The following SSH2 variants were observed in gnomAD, a reference collection of about 807,000 sequenced individuals.
SSH2 encodes protein phosphatase Slingshot homolog 2.
In SSH2, 37 loss-of-function variants were observed where a neutral mutation model predicts 135.2. That is an observed-to-expected ratio of 0.27 (90% confidence interval 0.21 to 0.36). The LOEUF (loss-of-function observed/expected upper bound fraction) is 0.36. SSH2 is among the 10% of genes least tolerant of loss of function. The pLI is 1.00. For synonymous variants in SSH2, 628 were observed against 646.2 expected, an observed-to-expected ratio of 0.97 and a Z score of 0.43; for missense variants, 1,408 against 1,765.3, an observed-to-expected ratio of 0.80 and a Z score of 3.63.
At chr17:29,780,041 A>G (rs1385635384) in intron 3 of SSH2, among the ~76,000 whole-genome samples, 1 of 151,558 alleles carries the variant, frequency 6.6e-6, no homozygotes, top group Non-Finnish European at 1.5e-5. Flanking sequence ...AAGTGGTGAA[A>G]TCTCATCTCT....
At chr17:29,908,519 C>T (rs895045751) in intron 1 of SSH2, among the ~76,000 whole-genome samples, 3 of 151,796 alleles carry the variant, frequency 2.0e-5, no homozygotes, top group African/African-American at 7.3e-5. Flanking sequence ...AATCCCAGAA[C>T]ACTGGGAGGC....
chr17:29,915,243 A>G (rs543542233), intron 1 of SSH2, among the ~76,000 whole-genome samples: 1 of 152,362 alleles, frequency 6.6e-6, no homozygotes, highest in Admixed American at 6.5e-5. Flanking sequence ...ATGTGAGTTC[A>G]TTCACATGTT....
intron 2 of SSH2, among the ~76,000 whole-genome samples, chr17:29,824,370 G>A (rs910286818): frequency 3.3e-5 from 5 of 152,190 alleles, no homozygotes; most frequent in Non-Finnish European, 7.3e-5. Flanking sequence ...GACTGCCACA[G>A]TCAAGGTTCA....
In SSH2 at chr17:29,632,633, C is replaced by A. The variant is rs1300592902; in HGVS notation, c.2561G>T (p.Gly854Val). 7 of 1,614,044 alleles carry A rather than the reference C, an allele frequency of 4.3e-6. No homozygotes were observed. Among genetic ancestry groups the A allele is most frequent in the Non-Finnish European group, 5.1e-6 (6 of 1,180,036 alleles). The change falls in exon 16 of 16, where the codon GGC becomes GTC. Residue 854 changes from glycine to valine, a missense_variant. Physicochemically the swap from Gly to Val is moderately radical, Grantham distance 109. This residue lies in a region of SSH2 where 1,080 missense variants were observed against 1,144.5 expected (regional missense o/e 0.94). Transcript: ENST00000540801. ...TATAGATGAGTGTGTGGTTAGGCAG[C>A]CTTCTGGGTTGCACATCCCTGAGTC... ...AKDSGMCNPE[G>V]CLTTHSSIAD...
intron 3 of SSH2, among the ~76,000 whole-genome samples, chr17:29,778,726 C>T (rs1015296834): frequency 2.0e-5 from 3 of 148,326 alleles, no homozygotes; most frequent in East Asian, 2.0e-4. Context: ...CCCAGCTACT[C>T]GTGAAGCTGA....
In SSH2 at chr17:29,894,214, G is replaced by C. The variant is rs567972048; in HGVS notation, c.63+35724C>G. On this transcript the variant is annotated intron_variant, in intron 1 of 15. Coordinates refer to ENST00000540801, the MANE Select transcript of SSH2 (RefSeq NM_001282129.2). The stretch of plus-strand genomic sequence containing the variant: ...ACTAAATGACATATATAAAGTTTCT[G>C]CCACAGTACCTGACATATTTATGCA... Among the ~76,000 whole-genome samples, 3 of 152,150 alleles carry C rather than the reference G, an allele frequency of 2.0e-5. No homozygotes were observed. In the South Asian group the frequency reaches 6.2e-4, roughly 32 times the overall value.
chr17:29,743,288 G>A (rs2040634683), intron 3 of SSH2, among the ~76,000 whole-genome samples: 1 of 152,064 alleles, frequency 6.6e-6, no homozygotes, highest in East Asian at 1.9e-4. Flanking sequence ...TTTTTTAAAT[G>A]CCTAGGGGAT....
At chr17:29,805,151 A>T (rs887228720) in intron 2 of SSH2, among the ~76,000 whole-genome samples, 15 of 148,870 alleles carry the variant, frequency 1.0e-4, no homozygotes, top group Middle Eastern at 7.1e-3. Context: ...ATTATTATTA[A>T]TATTATTATT....
At chr17:29,860,740 C>T (rs928039034) in intron 1 of SSH2, among the ~76,000 whole-genome samples, 2 of 136,650 alleles carry the variant, frequency 1.5e-5, no homozygotes, top group African/African-American at 2.6e-5. Context: ...TCTCCTTTGC[C>T]CACTTTTTTT....
At chr17:29,822,561 C>G (rs891737512) in intron 2 of SSH2, among the ~76,000 whole-genome samples, 8 of 151,972 alleles carry the variant, frequency 5.3e-5, no homozygotes, top group African/African-American at 1.9e-4. Flanking sequence ...GGAATCTTGC[C>G]ATGTTTCCCA....
chr17:29,805,286 T>C, intron 2 of SSH2, among the ~76,000 whole-genome samples: 1 of 151,718 alleles, frequency 6.6e-6, no homozygotes, highest in East Asian at 1.9e-4. Context: ...CTCCCGAGTA[T>C]TTGGGACAAC....
At chr17:29,881,694 G>A (rs1274372990) in intron 1 of SSH2, among the ~76,000 whole-genome samples, 2 of 152,052 alleles carry the variant, frequency 1.3e-5, no homozygotes, top group Admixed American at 6.6e-5. Context: ...TAGAGATGGG[G>A]TTTCACCATG....
At position 29,701,218 on chromosome 17, in the gene SSH2, G is replaced by A. The variant is rs185599991; in HGVS notation, c.292+1741C>T. On this transcript the variant is annotated intron_variant, in intron 4 of 15. Transcript: ENST00000540801. ...GATCTCCTGACCTTGTGATCCGCCC[G>A]TCTCAGCCTCCCAAAGTGCCGGGAT... Among the ~76,000 whole-genome samples the A allele has an allele frequency of 2.0e-3, 311 of 152,060 alleles. 1 individual carries two copies. Among genetic ancestry groups the A allele is most frequent in the African/African-American group, 7.2e-3 (299 of 41,508 alleles).
At chr17:29,825,639 C>T (rs993126575) in intron 2 of SSH2, among the ~76,000 whole-genome samples, 3 of 152,206 alleles carry the variant, frequency 2.0e-5, no homozygotes, top group Admixed American at 6.5e-5. Flanking sequence ...GGCCTCAATA[C>T]TGATACTACA....
At chr17:29,835,921 T>A (rs1396850736) in intron 2 of SSH2, among the ~76,000 whole-genome samples, 1 of 145,074 alleles carries the variant, frequency 6.9e-6, no homozygotes, top group Non-Finnish European at 1.5e-5. Flanking sequence ...ATCACGCCAC[T>A]GCACTCCAGC....
At chr17:29,797,941 G>T (rs2042185966) in intron 2 of SSH2, among the ~76,000 whole-genome samples, 1 of 151,364 alleles carries the variant, frequency 6.6e-6, no homozygotes, top group Admixed American at 6.6e-5. Context: ...GTTTTTTTTT[G>T]GGGGGGATTG....
intron 1 of SSH2, among the ~76,000 whole-genome samples, chr17:29,865,769 A>G (rs1324411926): frequency 2.0e-5 from 3 of 152,222 alleles, no homozygotes; most frequent in Non-Finnish European, 4.4e-5. Context: ...TCTAAAGACT[A>G]CCAGAAGATG....
intron 14 of SSH2, chr17:29,644,788 C>G (rs1186440855): frequency 6.6e-6 from 1 of 151,232 alleles, no homozygotes; most frequent in African/African-American, 2.5e-5. Context: ...CAGAGTGAGA[C>G]TTTGCCTCGA....
intron 2 of SSH2, among the ~76,000 whole-genome samples, chr17:29,828,172 C>CT (rs2042778902): frequency 6.6e-6 from 1 of 152,200 alleles, no homozygotes; most frequent in Non-Finnish European, 1.5e-5. Context: ...CACAGGAAGT[C>CT]TTTAACAAAT....
Sources: allele counts gnomAD v4.1 joint callset (sites outside exome capture counted in the v4.1 genomes callset), GRCh38; gene constraint gnomAD v4.1.1; regional missense constraint gnomAD v4.1.1; transcripts MANE v1.5; gene names NCBI Gene and HGNC (gene_info 2026-07-23, HGNC 2026-07-21).